Variants in NHEJ1 observed in about 807,000 individuals in gnomAD.
NHEJ1 encodes the protein non-homologous end joining factor 1, also known as non-homologous end-joining factor 1.
In NHEJ1, 22 loss-of-function variants were observed where a neutral mutation model predicts 39.4. That is an observed-to-expected ratio of 0.56 (90% confidence interval 0.40 to 0.80). The LOEUF is 0.80. Among genes scored for constraint, NHEJ1 ranks in the 30% least tolerant of loss-of-function variants. The pLI is 0.00. For missense variants in NHEJ1, 329 were observed against 357.1 expected (o/e 0.92, Z 0.63); for synonymous variants, 154 against 135.6 (o/e 1.14, Z -0.94).
intron 2 of NHEJ1, 30 bp from the exon 3 acceptor site, chr2:219,157,714 G>A (rs1057465806): frequency 3.2e-6 from 5 of 1,559,286 alleles, no homozygotes; most frequent in South Asian, 1.1e-5. Context: ...ACAGAGTAAG[G>A]GTGCTAAAAG....
intron 5 of NHEJ1, among the ~76,000 whole-genome samples, chr2:219,088,229 C>T (rs965663175): frequency 5.9e-5 from 9 of 152,064 alleles, no homozygotes; most frequent in Non-Finnish European, 1.2e-4. Flanking sequence ...TATGTATTTC[C>T]CCAACACAAG....
Position 219,111,094 on chromosome 2 carries a change from A to T in NHEJ1, c.589-32888T>A, listed in dbSNP as rs1949361277. On this transcript the variant is annotated intron_variant, in intron 5 of 7. Transcript: ENST00000356853. This position sits in a 1 kb window ranked among gnomAD's most constrained non-coding sequence, Gnocchi z 4.1. ...CACCCATCCTCACAAAATCCTTGTA[A>T]GGAACAAAGGTCATATTCCTTAACT... 6.6e-6 allele frequency among the ~76,000 whole-genome samples: 1 copy of T among 152,238 alleles called. No individual in the cohort carries two copies. Among genetic ancestry groups the T allele is most frequent in the African/African-American group, 2.4e-5 (1 of 41,470 alleles).
rs553190533 is a variant in NHEJ1, at chr2:219,116,239, C to T, written c.588+30441G>A. 2.0e-4 allele frequency among the ~76,000 whole-genome samples: 31 copies of T among 152,322 alleles called. No homozygotes were observed. The Middle Eastern group carries it at 0.01, about 50-fold the overall frequency. On this transcript the variant is annotated intron_variant, in intron 5 of 7. Transcript: ENST00000356853. Reference sequence around the variant, plus strand: ...GGCAGGCTGAGACACTGAATCAAAACGGAGAATCTGAGAACAGCTGAAAGA... The same window carrying T: ...GGCAGGCTGAGACACTGAATCAAAATGGAGAATCTGAGAACAGCTGAAAGA...
chr2:219,135,975 G>C (rs1415895979), intron 5 of NHEJ1, among the ~76,000 whole-genome samples: 2 of 152,198 alleles, frequency 1.3e-5, no homozygotes, highest in East Asian at 3.8e-4. Context: ...GTTAAACTGT[G>C]CTAGCCTATC....
In NHEJ1 at chr2:219,160,793, G is replaced by A. The variant is rs1279308859; in HGVS notation, c.-74C>T. The A allele has an allele frequency of 6.6e-6, 1 of 152,480 alleles. No individual in the cohort carries two copies. The highest frequency in any genetic ancestry group is 6.5e-5 in the Admixed American group (1 of 15,294). The allele number at this position is 152,480 out of a possible 1,614,324, so 9.4% of individuals were successfully genotyped here. On this transcript the variant is annotated 5_prime_UTR_variant, in exon 1 of 8. Coordinates refer to ENST00000356853, the MANE Select transcript of NHEJ1 (RefSeq NM_024782.3). ...CCTGCCCGCTCGCGCAAACCGAAAGGCCTAGAGTAAGAGGCCGCTTTCCCC... is the reference window on the plus strand; with the variant it reads ...CCTGCCCGCTCGCGCAAACCGAAAGACCTAGAGTAAGAGGCCGCTTTCCCC...
In NHEJ1 at chr2:219,076,103, T is replaced by C; in HGVS notation, c.*278A>G. The C allele has an allele frequency of 1.7e-6, 1 of 596,682 alleles. No homozygotes were observed. Among genetic ancestry groups the C allele is most frequent in the Non-Finnish European group, 2.9e-6 (1 of 347,818 alleles). 37.0% of individuals were successfully genotyped at this position (596,682 alleles called of 1,614,324 possible). A position where few individuals can be genotyped will look rare whatever the true frequency, so the allele number is the denominator to read the frequency against. The stretch of plus-strand genomic sequence containing the variant: ...GAGTGTGTGGTGCTTTCTTGCTGAC[T>C]TGCCCTATATACCTAAAGTCCATGG... On this transcript the variant is annotated 3_prime_UTR_variant, in exon 8 of 8. Transcript: ENST00000356853.
Position 219,157,989 on chromosome 2 carries a change from TCTCACACACA to T in NHEJ1, c.177+187_177+196del, listed in dbSNP as rs764306864. Among the ~76,000 whole-genome samples the T allele has an allele frequency of 9.1e-3, 1,085 of 119,044 alleles. 4 individuals are homozygous for T. The highest frequency in any genetic ancestry group is 0.012 in the South Asian group (43 of 3,532). 78.1% of individuals were successfully genotyped at this position (119,044 alleles called of 152,430 possible). ...AACTTTCTTTCTCTCTCTCTCTCTC[TCTCACACACA>T]CACACACACACACACACACACACAC... On this transcript the variant is annotated intron_variant, in intron 2 of 7. Transcript: ENST00000356853.
rs146409070 is a variant in NHEJ1, at chr2:219,140,266, T to G, written c.588+6414A>C. Among the ~76,000 whole-genome samples the G allele has an allele frequency of 3.3e-5, 5 of 152,286 alleles. 1 individual carries two copies. In the East Asian group the frequency reaches 9.6e-4, roughly 29 times the overall value. On this transcript the variant is annotated intron_variant, in intron 5 of 7. Coordinates refer to ENST00000356853, the MANE Select transcript of NHEJ1 (RefSeq NM_024782.3). ...GGTAAGAGAGTTCTATAAGATCATA[T>G]AGGGTTTTATAGGCCATGGTAAAGT...
intron 5 of NHEJ1, among the ~76,000 whole-genome samples, chr2:219,126,672 A>G (rs867909815): frequency 6.6e-6 from 1 of 152,204 alleles, no homozygotes; most frequent in Non-Finnish European, 1.5e-5. Context: ...AGGAGGAGCC[A>G]GAAAAACCAG....
chr2:219,138,064 G>A (rs560679977), intron 5 of NHEJ1, among the ~76,000 whole-genome samples: 3 of 152,094 alleles, frequency 2.0e-5, no homozygotes, highest in East Asian at 1.9e-4. Context: ...CCTTTTTTAC[G>A]ATGCCCACAT....
At chr2:219,104,543 C>T (rs1949296629) in intron 5 of NHEJ1, among the ~76,000 whole-genome samples, 1 of 152,212 alleles carries the variant, frequency 6.6e-6, no homozygotes, top group South Asian at 2.1e-4. Context: ...AGAAGTATCA[C>T]CCAAAACTTA....
intron 5 of NHEJ1, among the ~76,000 whole-genome samples, chr2:219,103,360 C>T (rs1559191523): frequency 6.6e-6 from 1 of 151,932 alleles, no homozygotes; most frequent in Non-Finnish European, 1.5e-5. Flanking sequence ...ACTGCAACCT[C>T]TGCCTCCCGG....
At position 219,076,268 on chromosome 2, in the gene NHEJ1, G is replaced by C; in HGVS notation, c.*113C>G. ...CTTCAGTTCTCTCGCCCTTACAGGAGGCCTCTGACTGTATCACTATTTTAG... is the reference window on the plus strand; with the variant it reads ...CTTCAGTTCTCTCGCCCTTACAGGACGCCTCTGACTGTATCACTATTTTAG... On this transcript the variant is annotated 3_prime_UTR_variant, in exon 8 of 8. Transcript: ENST00000356853. The C allele has an allele frequency of 6.3e-7, 1 of 1,590,490 alleles. No individual in the cohort carries two copies. Among genetic ancestry groups the C allele is most frequent in the Non-Finnish European group, 8.6e-7 (1 of 1,168,008 alleles).
chr2:219,087,177 A>G (rs1230687742), intron 5 of NHEJ1, among the ~76,000 whole-genome samples: 2 of 152,196 alleles, frequency 1.3e-5, no homozygotes, highest in Non-Finnish European at 2.9e-5. Context: ...CAGTTTGAAC[A>G]TTATTTTAGC....
chr2:219,087,443 T>C (rs1362942207), intron 5 of NHEJ1, among the ~76,000 whole-genome samples: 2 of 151,634 alleles, frequency 1.3e-5, no homozygotes, highest in African/African-American at 4.8e-5. Context: ...GGGCACAAAG[T>C]TGATTTAGAG....
At chr2:219,146,999 A>T in intron 4 of NHEJ1, among the ~76,000 whole-genome samples, 1 of 152,218 alleles carries the variant, frequency 6.6e-6, no homozygotes, top group East Asian at 1.9e-4. Context: ...GGCCAAATTG[A>T]ATTTTTATTC....
rs1559205314 is a variant in NHEJ1, at chr2:219,157,572, C to A, written c.290G>T (p.Cys97Phe). The A allele has an allele frequency of 6.2e-7, 1 of 1,614,188 alleles. No homozygotes were observed. The highest frequency in any genetic ancestry group is 1.1e-5 in the South Asian group (1 of 91,086). ...AATCAGTGCATCTGCCACACAATCA[C>A]AGGAGAAGGTAGCTTCGCTAGGGTG... is the stretch of plus-strand genomic sequence containing the variant. ...AAHPSEATFSCDCVADALILR... is the reference protein window; with the variant it reads ...AAHPSEATFSFDCVADALILR... Residue 97 changes from cysteine (C) to phenylalanine (F), a missense_variant, in exon 3 of 8, where the codon TGT (cysteine) becomes TTT (phenylalanine). Coordinates refer to ENST00000356853, the MANE Select transcript of NHEJ1 (RefSeq NM_024782.3).
chr2:219,117,176 T>C (rs1355968940), intron 5 of NHEJ1, among the ~76,000 whole-genome samples: 1 of 152,164 alleles, frequency 6.6e-6, no homozygotes, highest in African/African-American at 2.4e-5. Context: ...CTGTCTGTGC[T>C]ACTGGCTCGA....
intron 5 of NHEJ1, among the ~76,000 whole-genome samples, chr2:219,136,122 G>C (rs1468146724): frequency 6.6e-6 from 1 of 152,058 alleles, no homozygotes; most frequent in Non-Finnish European, 1.5e-5. Context: ...GTAATATCTG[G>C]TTTTGAGATT....
Sources: allele counts gnomAD v4.1 joint callset (sites outside exome capture counted in the v4.1 genomes callset), GRCh38; gene constraint gnomAD v4.1.1; non-coding constraint Gnocchi (gnomAD v3.1); transcripts MANE v1.5; gene names NCBI Gene and HGNC (gene_info 2026-07-23, HGNC 2026-07-21).